MAP2: variants seen among roughly 807,000 people sequenced by gnomAD.
MAP2 encodes the protein microtubule-associated protein 2.
In MAP2, 14 loss-of-function variants were observed where a neutral mutation model predicts 137.6. The ratio of observed to expected loss-of-function variants is 0.10; its 90% confidence interval spans 0.07 to 0.16. The LOEUF is 0.16. Among genes scored for constraint, MAP2 ranks in the 10% least tolerant of loss-of-function variants. MAP2 has a pLI of 1.00. For synonymous variants in MAP2, 786 were observed against 782.3 expected, an observed-to-expected ratio of 1.00 and a Z score of -0.08; for missense variants, 2,088 against 2,191.5, an observed-to-expected ratio of 0.95 and a Z score of 0.94.
At chr2:209,651,633 T>C (rs2094806172) in intron 4 of MAP2, among the ~76,000 whole-genome samples, 1 of 152,190 alleles carries the variant, frequency 6.6e-6, no homozygotes, top group African/African-American at 2.4e-5. Flanking sequence ...TACTCCCTGA[T>C]TTACTCATAA....
chr2:209,700,417 A>G (rs898618807), intron 11 of MAP2, 79 bp downstream of exon 11: 14 of 1,133,748 alleles, frequency 1.2e-5, no homozygotes, highest in Middle Eastern at 2.0e-4. Context: ...AACTTTTGAT[A>G]TTGTTTAGAT....
Position 209,653,248 on chromosome 2 carries a change from A to T in MAP2, c.78A>T (p.Ser26=). 6.2e-7 allele frequency: 1 copy of T among 1,614,130 alleles called. No homozygotes were observed. Among genetic ancestry groups the T allele is most frequent in the East Asian group, 2.2e-5 (1 of 44,882 alleles). The change falls in exon 5 of 16, where the codon TCA becomes TCT. Residue 26 remains serine, a synonymous_variant. Coordinates refer to ENST00000682079, the MANE Select transcript of MAP2 (RefSeq NM_001375505.1). The part of the protein sequence containing the change: ...SAPLTEASAH[S]HPPEIKDQGG... ...CGCTAACAGAGGCATCTGCACACTC[A>T]CATCCACCTGAGATTAAGGATCAAG...
chr2:209,448,969 G>T (rs1699733260), intron 1 of MAP2, among the ~76,000 whole-genome samples: 1 of 152,168 alleles, frequency 6.6e-6, no homozygotes, highest in Non-Finnish European at 1.5e-5. Context: ...TTTTGGACTA[G>T]AGAGATATGG....
At chr2:209,465,377 A>G (rs1056045292) in intron 1 of MAP2, among the ~76,000 whole-genome samples, 6 of 152,190 alleles carry the variant, frequency 3.9e-5, no homozygotes, top group African/African-American at 1.2e-4. Flanking sequence ...AACATTTGCT[A>G]TAAATATTTT....
chr2:209,428,268 A>T (rs1433942462), intron 1 of MAP2, among the ~76,000 whole-genome samples: 1 of 152,190 alleles, frequency 6.6e-6, no homozygotes, highest in African/African-American at 2.4e-5. Context: ...GTTAGACAAA[A>T]TAAAGAGCTC....
At chr2:209,435,524 GT>G (rs1433107332) in intron 1 of MAP2, among the ~76,000 whole-genome samples, 1 of 151,862 alleles carries the variant, frequency 6.6e-6, no homozygotes, top group Non-Finnish European at 1.5e-5. Flanking sequence ...AGTTGCCTGT[GT>G]GGGTGGTGCT....
At chr2:209,637,134 A>T (rs1408816922) in intron 4 of MAP2, among the ~76,000 whole-genome samples, 1 of 152,102 alleles carries the variant, frequency 6.6e-6, no homozygotes, top group Non-Finnish European at 1.5e-5. Context: ...GCTCATCTGG[A>T]ATCCCAGAAA....
intron 1 of MAP2, among the ~76,000 whole-genome samples, chr2:209,480,517 T>C (rs1249286373): frequency 6.7e-6 from 1 of 149,790 alleles, no homozygotes. Context: ...CCTTAGTAAC[T>C]TGCAATTAAG....
At chr2:209,655,763 C>T (rs1050521173) in intron 5 of MAP2, among the ~76,000 whole-genome samples, 8 of 152,122 alleles carry the variant, frequency 5.3e-5, no homozygotes, top group African/African-American at 9.7e-5. Flanking sequence ...TACAATCTAC[C>T]AGTGTATTAC....
chr2:209,599,058 C>T (rs898852748), intron 3 of MAP2, among the ~76,000 whole-genome samples: 2 of 152,110 alleles, frequency 1.3e-5, no homozygotes, highest in African/African-American at 2.4e-5. Flanking sequence ...GTTTACAGTC[C>T]CACCAACAGT....
chr2:209,535,924 C>T (rs989661047), intron 2 of MAP2, among the ~76,000 whole-genome samples: 2 of 152,136 alleles, frequency 1.3e-5, no homozygotes, highest in African/African-American at 4.8e-5. Context: ...TTGCTCCATT[C>T]ATTGTAGCTT....
chr2:209,658,719 C>A (rs1370365544), intron 5 of MAP2, among the ~76,000 whole-genome samples: 1 of 151,988 alleles, frequency 6.6e-6, no homozygotes, highest in African/African-American at 2.4e-5. Context: ...GTTGGCCAGG[C>A]TGGTCTTGAA....
intron 5 of MAP2, among the ~76,000 whole-genome samples, chr2:209,658,448 A>T (rs2041908305): frequency 1.3e-5 from 2 of 152,164 alleles, no homozygotes; most frequent in Non-Finnish European, 2.9e-5. Flanking sequence ...GCTCTAAAAA[A>T]GTAATAATTT....
intron 1 of MAP2, among the ~76,000 whole-genome samples, chr2:209,440,133 T>A (rs1697395815): frequency 6.6e-6 from 1 of 151,564 alleles, no homozygotes; most frequent in Non-Finnish European, 1.5e-5. Context: ...AATTTTTGTT[T>A]CCTTGTTTGT....
chr2:209,456,395 A>G (rs960375484), intron 1 of MAP2, among the ~76,000 whole-genome samples: 1 of 152,218 alleles, frequency 6.6e-6, no homozygotes, highest in Non-Finnish European at 1.5e-5. Context: ...GTAATGTACC[A>G]CATTTGTGGT....
chr2:209,645,171 G>A (rs1394325366), intron 4 of MAP2, among the ~76,000 whole-genome samples: 1 of 152,172 alleles, frequency 6.6e-6, no homozygotes, highest in Non-Finnish European at 1.5e-5. Flanking sequence ...ACATCAGAGT[G>A]TATCAAATTA....
At chr2:209,496,436 C>A (rs1406322838) in intron 1 of MAP2, among the ~76,000 whole-genome samples, 1 of 152,166 alleles carries the variant, frequency 6.6e-6, no homozygotes, top group Non-Finnish European at 1.5e-5. Flanking sequence ...TGTTTTGGAA[C>A]ATGTACCTCT....
chr2:209,488,888 G>C (rs988495791), intron 1 of MAP2, among the ~76,000 whole-genome samples: 2 of 152,226 alleles, frequency 1.3e-5, no homozygotes, highest in Non-Finnish European at 2.9e-5. Flanking sequence ...GTTCCTGCCT[G>C]CCAGCTCTGA....
At chr2:209,664,237 CA>C (rs1361384256) in intron 5 of MAP2, among the ~76,000 whole-genome samples, 1 of 152,184 alleles carries the variant, frequency 6.6e-6, no homozygotes, top group African/African-American at 2.4e-5. Flanking sequence ...TGTGCTAATA[CA>C]TATTTTTTGA....
Sources: allele counts gnomAD v4.1 joint callset (sites outside exome capture counted in the v4.1 genomes callset), GRCh38; gene constraint gnomAD v4.1.1; transcripts MANE v1.5; gene names NCBI Gene and HGNC (gene_info 2026-07-23, HGNC 2026-07-21).